MAF: variants seen among roughly 807,000 people sequenced by gnomAD.
MAF encodes the protein transcription factor Maf.
A neutral mutation model predicts 22.0 loss-of-function variants in MAF; 10 were observed. The observed-to-expected ratio is 0.45, with a 90% CI of 0.28 to 0.77. The LOEUF (loss-of-function observed/expected upper bound fraction) is 0.77. Ranked by LOEUF, MAF falls within the 30% of genes least tolerant of loss-of-function variation. The probability of loss-of-function intolerance (pLI) is 0.12; values close to 1 mark genes in which losing one functional copy is unlikely to be tolerated. For missense variants in MAF, 544 were observed against 548.4 expected (o/e 0.99, Z 0.08); for synonymous variants, 337 against 255.8 (o/e 1.32, Z -3.03).
At chr16:79,390,732 C>A in the MAF span, among the ~76,000 whole-genome samples, 1 of 152,130 alleles carries the variant, frequency 6.6e-6, no homozygotes, top group African/African-American at 2.4e-5. Context: ...CTTGTGAGAT[C>A]TGAGAGATAA....
At chr16:79,264,685 G>C in the MAF span, 1 of 152,104 alleles carries the variant, frequency 6.6e-6, no homozygotes, top group Non-Finnish European at 1.5e-5. Flanking sequence ...CTTTCTCCAG[G>C]AAGACCTCCC....
the MAF span, among the ~76,000 whole-genome samples, chr16:79,248,143 C>T: frequency 4.6e-5 from 7 of 151,396 alleles, no homozygotes; most frequent in South Asian, 1.0e-3. Flanking sequence ...AACAAGTGTA[C>T]CACATGTTAG....
chr16:79,391,762 A>G, the MAF span, among the ~76,000 whole-genome samples: 1 of 152,254 alleles, frequency 6.6e-6, no homozygotes, highest in East Asian at 1.9e-4. Context: ...TAATTGCCAA[A>G]GCGCATCATC....
At chr16:79,571,532 T>TTA in the MAF span, among the ~76,000 whole-genome samples, 8 of 127,322 alleles carry the variant, frequency 6.3e-5, no homozygotes, top group African/African-American at 2.3e-4. Context: ...TCAGCGGAAT[T>TTA]TTTTTTTTTT....
chr16:79,379,507 AC>A, the MAF span, among the ~76,000 whole-genome samples: 2 of 95,604 alleles, frequency 2.1e-5, no homozygotes, highest in South Asian at 3.4e-4. Flanking sequence ...AAGTGCACAC[AC>A]ACACACACAC....
the MAF span, among the ~76,000 whole-genome samples, chr16:79,515,346 G>A: frequency 6.6e-6 from 1 of 152,190 alleles, no homozygotes; most frequent in African/African-American, 2.4e-5. Context: ...TTACTACGGT[G>A]TGAAAGTGAC....
the MAF span, among the ~76,000 whole-genome samples, chr16:79,464,750 G>T: frequency 2.6e-5 from 4 of 152,202 alleles, no homozygotes; most frequent in Admixed American, 6.5e-5. Flanking sequence ...AGAGGGTCAA[G>T]GTCGATTCCC....
chr16:79,457,021 T>C, the MAF span, among the ~76,000 whole-genome samples: 1 of 152,086 alleles, frequency 6.6e-6, no homozygotes, highest in Non-Finnish European at 1.5e-5. Context: ...TTTGGGTAAA[T>C]GTAACCTTGT....
chr16:79,500,682 T>G, the MAF span, among the ~76,000 whole-genome samples: 1 of 152,154 alleles, frequency 6.6e-6, no homozygotes, highest in African/African-American at 2.4e-5. Flanking sequence ...GGAAGCATTC[T>G]AGGACTCGTC....
At chr16:79,416,919 G>A in the MAF span, among the ~76,000 whole-genome samples, 2 of 152,174 alleles carry the variant, frequency 1.3e-5, no homozygotes, top group Admixed American at 6.5e-5. Flanking sequence ...AAGTATTACA[G>A]TGATGACTGT....
At chr16:79,429,470 A>C in the MAF span, among the ~76,000 whole-genome samples, 1 of 152,140 alleles carries the variant, frequency 6.6e-6, no homozygotes, top group African/African-American at 2.4e-5. Flanking sequence ...CCCTCGCCTG[A>C]TGCCACAAGA....
chr16:79,236,808 G>A, the MAF span, among the ~76,000 whole-genome samples: 109 of 151,898 alleles, frequency 7.2e-4, no homozygotes, highest in African/African-American at 2.5e-3. Flanking sequence ...AAAAGTGCAC[G>A]CCATCTCCGA....
the MAF span, among the ~76,000 whole-genome samples, chr16:79,485,601 G>C: frequency 6.6e-6 from 1 of 152,124 alleles, no homozygotes; most frequent in Admixed American, 6.6e-5. Context: ...CTGACAATCT[G>C]AGACAACAAA....
the MAF span, among the ~76,000 whole-genome samples, chr16:79,240,638 T>A: frequency 6.6e-6 from 1 of 151,378 alleles, no homozygotes; most frequent in Non-Finnish European, 1.5e-5. Context: ...TTAAACGACC[T>A]GGCCTGATGG....
At chr16:79,374,676 G>T in the MAF span, among the ~76,000 whole-genome samples, 1 of 152,216 alleles carries the variant, frequency 6.6e-6, no homozygotes, top group Non-Finnish European at 1.5e-5. Context: ...CGTAATCAAG[G>T]ACAGAATTCT....
chr16:79,548,379 T>A, the MAF span, among the ~76,000 whole-genome samples: 54 of 152,312 alleles, frequency 3.5e-4, no homozygotes, highest in Non-Finnish European at 6.5e-4. Flanking sequence ...AAAATCCAAT[T>A]GTGTAATGAA....
chr16:79,242,013 G>A, the MAF span, among the ~76,000 whole-genome samples: 1 of 151,932 alleles, frequency 6.6e-6, no homozygotes, highest in Non-Finnish European at 1.5e-5. Flanking sequence ...GTCACCACCA[G>A]GCCTGCCTTA....
At chr16:79,239,915 T>C in the MAF span, among the ~76,000 whole-genome samples, 2 of 151,990 alleles carry the variant, frequency 1.3e-5, no homozygotes, top group African/African-American at 2.4e-5. Flanking sequence ...TTATTTAAGA[T>C]GGATAGTGGC....
At chr16:79,345,625 G>T in the MAF span, among the ~76,000 whole-genome samples, 1 of 150,536 alleles carries the variant, frequency 6.6e-6, no homozygotes, top group South Asian at 2.1e-4. Context: ...CTACTCAGGA[G>T]GCTGAGGCAG....
Sources: allele counts gnomAD v4.1 joint callset (sites outside exome capture counted in the v4.1 genomes callset), GRCh38; gene constraint gnomAD v4.1.1; transcripts MANE v1.5; gene names NCBI Gene and HGNC (gene_info 2026-07-23, HGNC 2026-07-21).